The following NKAIN1 variants were observed in gnomAD, a reference collection of about 807,000 sequenced individuals.
The protein encoded by NKAIN1 is sodium/potassium-transporting ATPase subunit beta-1-interacting protein 1.
In NKAIN1, 13 loss-of-function variants were observed where a neutral mutation model predicts 31.6. The ratio of observed to expected loss-of-function variants is 0.41; its 90% CI spans 0.27 to 0.65. NKAIN1 has a LOEUF of 0.65. Among genes scored for constraint, NKAIN1 ranks in the 30% least tolerant of loss-of-function variants. The probability of loss-of-function intolerance (pLI) is 0.30; values close to 1 mark genes in which losing one functional copy is unlikely to be tolerated. For synonymous variants in NKAIN1, 104 were observed against 109.0 expected (o/e 0.95, Z 0.28); for missense variants, 193 against 262.2 (o/e 0.74, Z 1.82).
chr1:31,230,652 C>T (rs1354909421), intron 1 of NKAIN1, among the ~76,000 whole-genome samples: 1 of 152,204 alleles, frequency 6.6e-6, no homozygotes, highest in African/African-American at 2.4e-5. Flanking sequence ...TGGGACTTGG[C>T]TTCCTGGGCC....
intron 1 of NKAIN1, among the ~76,000 whole-genome samples, chr1:31,216,353 C>T (rs1012636826): frequency 6.6e-6 from 1 of 152,102 alleles, no homozygotes; most frequent in Non-Finnish European, 1.5e-5. Flanking sequence ...CTTTCATCCC[C>T]AGAATGACAC....
At chr1:31,230,173 T>C (rs1372811152) in intron 1 of NKAIN1, among the ~76,000 whole-genome samples, 1 of 152,210 alleles carries the variant, frequency 6.6e-6, no homozygotes, top group African/African-American at 2.4e-5. Flanking sequence ...TTGCAGAACC[T>C]GCAGCCTCAT....
chr1:31,183,262 G>A (rs771964187), intron 4 of NKAIN1, among the ~76,000 whole-genome samples: 7 of 151,976 alleles, frequency 4.6e-5, no homozygotes, highest in Admixed American at 1.3e-4. Flanking sequence ...GTCACATAGT[G>A]GGTGTATTGA....
At chr1:31,218,773 C>T (rs900908921) in intron 1 of NKAIN1, among the ~76,000 whole-genome samples, 4 of 152,232 alleles carry the variant, frequency 2.6e-5, no homozygotes, top group South Asian at 2.1e-4. Context: ...CTGTCATAGT[C>T]GACAACCACA....
chr1:31,197,899 C>G (rs1645343823), intron 1 of NKAIN1, among the ~76,000 whole-genome samples: 1 of 151,964 alleles, frequency 6.6e-6, no homozygotes, highest in Non-Finnish European at 1.5e-5. Flanking sequence ...GCTTTGTCAC[C>G]CAGCTGGAGT....
chr1:31,231,522 TTTGTTG>T (rs71569973), intron 1 of NKAIN1, among the ~76,000 whole-genome samples: 6 of 150,676 alleles, frequency 4.0e-5, no homozygotes, highest in South Asian at 2.1e-4. Context: ...TTTGTTGTTG[TTTGTTG>T]TTGTTGTTGT....
At chr1:31,225,033 CTT>C (rs1553163963) in intron 1 of NKAIN1, among the ~76,000 whole-genome samples, 4 of 112,102 alleles carry the variant, frequency 3.6e-5, no homozygotes, top group Admixed American at 9.2e-5. Flanking sequence ...CTTTTCTTTT[CTT>C]TTTTTTTTTT....
chr1:31,201,651 G>A (rs937122521), intron 1 of NKAIN1, among the ~76,000 whole-genome samples: 19 of 152,120 alleles, frequency 1.2e-4, no homozygotes, highest in African/African-American at 2.6e-4. Context: ...GTGAGCCACC[G>A]CGCCCGGCCA....
At chr1:31,210,574 C>T (rs1645460668) in intron 1 of NKAIN1, among the ~76,000 whole-genome samples, 1 of 152,220 alleles carries the variant, frequency 6.6e-6, no homozygotes, top group Admixed American at 6.5e-5. Flanking sequence ...CAGGCGTGAG[C>T]CCCCACACCC....
At chr1:31,207,223 C>T (rs1265330751) in intron 1 of NKAIN1, among the ~76,000 whole-genome samples, 1 of 152,196 alleles carries the variant, frequency 6.6e-6, no homozygotes, top group Non-Finnish European at 1.5e-5. Flanking sequence ...ACCTTTAATA[C>T]TTATTAGCTG....
intron 1 of NKAIN1, among the ~76,000 whole-genome samples, chr1:31,228,842 G>A (rs758915842): frequency 6.6e-6 from 1 of 151,816 alleles, no homozygotes; most frequent in Non-Finnish European, 1.5e-5. Flanking sequence ...GTCATCCTTC[G>A]GCCTCAGCCT....
intron 1 of NKAIN1, among the ~76,000 whole-genome samples, chr1:31,201,046 T>C (rs1001166922): frequency 1.3e-5 from 2 of 151,994 alleles, no homozygotes; most frequent in Non-Finnish European, 2.9e-5. Flanking sequence ...TTGGTCAGGC[T>C]CACGCTCCCA....
At chr1:31,219,963 A>G (rs1569572753) in intron 1 of NKAIN1, among the ~76,000 whole-genome samples, 1 of 148,372 alleles carries the variant, frequency 6.7e-6, no homozygotes, top group Non-Finnish European at 1.5e-5. Context: ...ATTCAACTCC[A>G]CCCTGGCCAC....
In NKAIN1 at chr1:31,199,353, C is replaced by T. The variant is rs1022892522; in HGVS notation, c.55-11166G>A. Among the ~76,000 whole-genome samples, 58 of 152,212 alleles carry T rather than the reference C, an allele frequency of 3.8e-4. 1 individual carries two copies. The highest frequency in any genetic ancestry group is 6.9e-4 in the Non-Finnish European group (47 of 68,044). The stretch of plus-strand genomic sequence containing the variant: ...AGTGCCCATAAAGCTCGCAGCCAGC[C>T]GGATGTCTGGCACGCAGTTGGTGCT... On this transcript the variant is annotated intron_variant, in intron 1 of 6. Coordinates refer to ENST00000373736, the MANE Select transcript of NKAIN1 (RefSeq NM_024522.3).
In NKAIN1 at chr1:31,180,328, C is replaced by A. The variant is rs1310075479; in HGVS notation, c.*1375G>T. On this transcript the variant is annotated 3_prime_UTR_variant, in exon 7 of 7. Coordinates refer to ENST00000373736, the MANE Select transcript of NKAIN1 (RefSeq NM_024522.3). ...AGACCTGATCCTCTCTCTATGGACG[C>A]ACCAGGCAGTGCGTGGGATGCAGCG... The A allele has an allele frequency of 6.6e-6, 1 of 152,236 alleles. No individual in the cohort carries two copies. Among genetic ancestry groups the A allele is most frequent in the Non-Finnish European group, 1.5e-5 (1 of 68,086 alleles). 9.4% of individuals were successfully genotyped at this position (152,236 alleles called of 1,614,324 possible).
chr1:31,211,136 T>C (rs1164073088), intron 1 of NKAIN1, among the ~76,000 whole-genome samples: 1 of 152,176 alleles, frequency 6.6e-6, no homozygotes, highest in Non-Finnish European at 1.5e-5. Context: ...TATTCAACAC[T>C]GTGCTGGAGG....
At chr1:31,210,159 C>A (rs1321849384) in intron 1 of NKAIN1, among the ~76,000 whole-genome samples, 6 of 152,112 alleles carry the variant, frequency 3.9e-5, no homozygotes, top group Non-Finnish European at 7.3e-5. Flanking sequence ...CTTAGTAATG[C>A]ATCTCTTAGG....
Position 31,214,945 on chromosome 1 carries a change from C to T in NKAIN1, c.54+24549G>A, listed in dbSNP as rs867106879. 9.9e-5 allele frequency among the ~76,000 whole-genome samples: 15 copies of T among 152,222 alleles called. No individual in the cohort carries two copies. In the South Asian group the frequency reaches 1.9e-3, roughly 19 times the overall value. On this transcript the variant is annotated intron_variant, in intron 1 of 6. Coordinates refer to ENST00000373736, the MANE Select transcript of NKAIN1 (RefSeq NM_024522.3). ...GGGACACTAAGCCCTCCGGGCGCCC[C>T]CTAGGGCCAAACATCATGCTGGAGG...
intron 1 of NKAIN1, among the ~76,000 whole-genome samples, chr1:31,210,783 A>G (rs1645462535): frequency 6.6e-6 from 1 of 152,220 alleles, no homozygotes; most frequent in Admixed American, 6.5e-5. Context: ...AGTTAGGGAC[A>G]TGGACATTTA....
Sources: gnomAD v4.1 joint callset for allele counts (sites outside exome capture counted in the v4.1 genomes callset) on GRCh38, gnomAD v4.1.1 for gene constraint, MANE v1.5 for transcripts, NCBI Gene and HGNC (gene_info 2026-07-23, HGNC 2026-07-21) for gene names.